TRIM8: variants seen among roughly 807,000 people sequenced by gnomAD.
TRIM8 encodes tripartite motif containing 8, also known as E3 ubiquitin-protein ligase TRIM8.
Under a neutral mutation model 55.7 loss-of-function variants are expected in TRIM8, and 9 were observed. The ratio of observed to expected loss-of-function variants is 0.16; its 90% CI spans 0.10 to 0.28. The LOEUF is 0.28. Ranked by LOEUF, TRIM8 falls within the 10% of genes least tolerant of loss-of-function variation. TRIM8 has a pLI of 1.00. For synonymous variants in TRIM8, 335 were observed against 333.3 expected, an observed-to-expected ratio of 1.01 and a Z score of -0.06; for missense variants, 556 against 736.4, an observed-to-expected ratio of 0.76 and a Z score of 2.83.
chr10:102,654,329 C>T (rs767305735), intron 1 of TRIM8: 20 of 214,322 alleles, frequency 9.3e-5, no homozygotes, highest in Middle Eastern at 1.8e-3. Context: ...CCCAGCTACT[C>T]GGGAGGCTAA....
At position 102,645,309 on chromosome 10, in the gene TRIM8, C is replaced by T. The variant is rs535774264; in HGVS notation, c.570+122C>T. 4 of 1,124,294 alleles carry T rather than the reference C, an allele frequency of 3.6e-6. No individual in the cohort carries two copies. The East Asian group carries it at 1.2e-4, about 33-fold the overall frequency. 69.6% of individuals were successfully genotyped at this position (1,124,294 alleles called of 1,614,324 possible). On this transcript the variant is annotated intron_variant, in intron 1 of 5. Coordinates refer to ENST00000643721, the MANE Select transcript of TRIM8 (RefSeq NM_030912.3). ...TCTTGTGACATCAGGCCAGTGGCCC[C>T]TGGCCAAACTCTTCTCTGAAAGTTT...
At chr10:102,646,660 CCT>C (rs1289160124) in intron 1 of TRIM8, among the ~76,000 whole-genome samples, 3 of 152,178 alleles carry the variant, frequency 2.0e-5, no homozygotes, top group Non-Finnish European at 4.4e-5. Context: ...TCCTCCACCC[CCT>C]GTGTCCTCCA....
At chr10:102,648,169 C>T (rs891653140) in intron 1 of TRIM8, among the ~76,000 whole-genome samples, 5 of 152,162 alleles carry the variant, frequency 3.3e-5, no homozygotes, top group Admixed American at 6.5e-5. Context: ...TCCAGGTGGG[C>T]TCAGGCCTGG....
Position 102,656,095 on chromosome 10 carries a change from C to G in TRIM8, c.901-11C>G. 6.2e-7 allele frequency: 1 copy of G among 1,614,110 alleles called. No homozygotes were observed. Among genetic ancestry groups the G allele is most frequent in the Non-Finnish European group, 8.5e-7 (1 of 1,180,016 alleles). On this transcript the variant is annotated splice_polypyrimidine_tract_variant and intron_variant, in intron 3 of 5. Transcript: ENST00000643721. This position sits in a 1 kb window ranked among gnomAD's most constrained non-coding sequence, Gnocchi z 4.6. ...TTTTCCACTGACTTGACTCTTTTCT[C>G]TCCCCAACAGAACACCAAGTCTGTG...
At chr10:102,647,537 G>A (rs2063946395) in intron 1 of TRIM8, among the ~76,000 whole-genome samples, 1 of 151,840 alleles carries the variant, frequency 6.6e-6, no homozygotes, top group African/African-American at 2.4e-5. Context: ...CCAGGAGGGA[G>A]AGGAGGGGGT....
chr10:102,654,998 G>A, intron 2 of TRIM8, 82 bp from the exon 3 acceptor site: 1 of 1,493,824 alleles, frequency 6.7e-7, no homozygotes, highest in African/African-American at 1.4e-5. Flanking sequence ...AGGGTTCTAG[G>A]ATGTGAGAAG....
rs573272467 is a variant in TRIM8 at position 102,658,195 on chromosome 10, C to G, written c.*841C>G. ...TGCCTGGATTTTGACACAGCAACTT[C>G]CTGTAGTGAGCACTTTGTATGAATC... is the stretch of plus-strand genomic sequence containing the variant. On this transcript the variant is annotated 3_prime_UTR_variant, in exon 6 of 6. Coordinates refer to ENST00000643721, the MANE Select transcript of TRIM8 (RefSeq NM_030912.3). 6.6e-6 allele frequency: 1 copy of G among 152,242 alleles called. No individual in the cohort carries two copies. Among genetic ancestry groups the G allele is most frequent in the Non-Finnish European group, 1.5e-5 (1 of 68,074 alleles). 9.4% of individuals were successfully genotyped at this position (152,242 alleles called of 1,614,324 possible).
chr10:102,644,570 G>A lies in TRIM8; in HGVS notation c.-48G>A. 1 of 1,575,574 alleles carries A rather than the reference G, an allele frequency of 6.3e-7. No individual in the cohort carries two copies. Among genetic ancestry groups the A allele is most frequent in the Non-Finnish European group, 8.6e-7 (1 of 1,159,304 alleles). ...ACAGCGGCTCCGGACGGACCCCCGGGGCTGGGGAGTCGGGGAGGCCTGCCC... is the reference window on the plus strand; with the variant it reads ...ACAGCGGCTCCGGACGGACCCCCGGAGCTGGGGAGTCGGGGAGGCCTGCCC... On this transcript the variant is annotated 5_prime_UTR_variant, in exon 1 of 6. Transcript: ENST00000643721.
At chr10:102,653,467 A>T (rs1415388376) in intron 1 of TRIM8, 1 of 152,644 alleles carries the variant, frequency 6.6e-6, no homozygotes, top group Non-Finnish European at 1.5e-5. Flanking sequence ...GATAGGACGG[A>T]GTCACGGAGA....
At chr10:102,655,979 T>TGTCCA (rs1287118705) in intron 3 of TRIM8, 127 bp from the exon 4 acceptor site, 30 of 1,384,740 alleles carry the variant, frequency 2.2e-5, no homozygotes, top group Non-Finnish European at 3.0e-5. Context: ...TGCCACTTTC[T>TGTCCA]GTCCAGAATG....
In TRIM8 at chr10:102,657,082, G is replaced by C; in HGVS notation, c.1384G>C (p.Gly462Arg). 6.2e-7 allele frequency: 1 copy of C among 1,613,574 alleles called. No homozygotes were observed. Among genetic ancestry groups the C allele is most frequent in the Non-Finnish European group, 8.5e-7 (1 of 1,179,972 alleles). The change falls in exon 6 of 6, where the codon GGC becomes CGC. Residue 462 changes from glycine (G) to arginine (R), a missense_variant. Transcript: ENST00000643721. ...GCAGCCCATGCTCCCCCAGTATGGC[G>C]GCCGCAAGATTCTCGTCTGTTCTGT... is the stretch of plus-strand genomic sequence containing the variant. ...AQQPMLPQYG[G>R]RKILVCSVDN...
intron 1 of TRIM8, among the ~76,000 whole-genome samples, chr10:102,652,153 C>A (rs146405802): frequency 0.012 from 1,802 of 152,258 alleles, 26 homozygotes; most frequent in African/African-American, 0.041. Context: ...GTGTGTGGGC[C>A]CCCTGCACCC....
At chr10:102,655,381 C>T (rs1175520705) in intron 3 of TRIM8, 68 bp downstream of exon 3, 4 of 1,426,370 alleles carry the variant, frequency 2.8e-6, no homozygotes, top group Non-Finnish European at 2.9e-6. Context: ...TCTGCAGTTT[C>T]CTGCACCTGT....
In TRIM8 at chr10:102,656,699, G is replaced by C; in HGVS notation, c.1049-48G>C. 6.6e-7 allele frequency: 1 copy of C among 1,507,094 alleles called. No individual in the cohort carries two copies. The highest frequency in any genetic ancestry group is 8.8e-7 in the Non-Finnish European group (1 of 1,130,022). 93.4% of individuals were successfully genotyped at this position (1,507,094 alleles called of 1,614,324 possible). A position where few individuals can be genotyped will look rare whatever the true frequency, so the allele number is the denominator to read the frequency against. On this transcript the variant is annotated intron_variant, in intron 5 of 5. Coordinates refer to ENST00000643721, the MANE Select transcript of TRIM8 (RefSeq NM_030912.3). The surrounding 1 kb of genome is among the most constrained non-coding windows in gnomAD (Gnocchi z 4.6). ...TCCAACCCAGGGAGAGGAGGCCTGG[G>C]TTGCTTGGGGTGGGAGCTTTGGCGA...
chr10:102,645,363 C>T, intron 1 of TRIM8, 176 bp downstream of exon 1: 1 of 653,752 alleles, frequency 1.5e-6, no homozygotes, highest in South Asian at 2.4e-5. Flanking sequence ...AGAAGGGCCC[C>T]GGGTCGCTAC....
chr10:102,651,775 G>A (rs2063986932), intron 1 of TRIM8, among the ~76,000 whole-genome samples: 1 of 152,238 alleles, frequency 6.6e-6, no homozygotes, highest in South Asian at 2.1e-4. Flanking sequence ...AGGTCAGTGG[G>A]CCTGATGTTC....
At chr10:102,645,821 T>A (rs530515995) in intron 1 of TRIM8, 1 of 152,328 alleles carries the variant, frequency 6.6e-6, no homozygotes, top group African/African-American at 2.4e-5. Context: ...GCTCTCCCTG[T>A]GTGAGAATCG....
rs145135383 is a variant in TRIM8, at chr10:102,656,370, C to T, written c.1033C>T (p.Arg345Trp). Residue 345 changes from arginine to tryptophan, a missense_variant, in exon 5 of 6, where the codon CGG becomes TGG. Around this residue, in one of 2 missense-constraint regions of TRIM8, gnomAD observed 391 missense variants for 441.0 expected, o/e 0.89. Coordinates refer to ENST00000643721, the MANE Select transcript of TRIM8 (RefSeq NM_030912.3). The surrounding 1 kb of genome is among the most constrained non-coding windows in gnomAD (Gnocchi z 4.6). The part of the protein sequence containing the change: ...NEVAKKEKQL[R>W]KMLEGPFSTP... ...AGTGGCCAAGAAGGAGAAGCAGCTGCGGAAAATGCTAGAAGGTGAGGGTGG... is the reference window on the plus strand; with the variant it reads ...AGTGGCCAAGAAGGAGAAGCAGCTGTGGAAAATGCTAGAAGGTGAGGGTGG... 6.2e-6 allele frequency: 10 copies of T among 1,613,020 alleles called. No homozygotes were observed. Among genetic ancestry groups the T allele is most frequent in the Non-Finnish European group, 5.1e-6 (6 of 1,179,612 alleles).
rs2064033319 is a variant in TRIM8 at position 102,657,194 on chromosome 10, C to T, written c.1496C>T (p.Ser499Leu). Residue 499 changes from serine (S) to leucine (L), a missense_variant, in exon 6 of 6, where the codon TCG (serine) becomes TTG (leucine). Transcript: ENST00000643721. ...RSGHFPWTVP[S>L]QEYSHPLPPT... ...GGCCACTTTCCCTGGACAGTGCCCT[C>T]GCAGGAGTACTCACACCCGCTCCCG... 4 of 1,613,790 alleles carry T rather than the reference C, an allele frequency of 2.5e-6. No individual in the cohort carries two copies. Among genetic ancestry groups the T allele is most frequent in the South Asian group, 2.2e-5 (2 of 91,062 alleles).
Sources: gnomAD v4.1 joint callset for allele counts (sites outside exome capture counted in the v4.1 genomes callset) on GRCh38, gnomAD v4.1.1 for gene constraint, gnomAD v4.1.1 regional missense constraint, Gnocchi (gnomAD v3.1) non-coding constraint, MANE v1.5 for transcripts, NCBI Gene and HGNC (gene_info 2026-07-23, HGNC 2026-07-21) for gene names.